The following ALOX5 variants were observed in gnomAD, a reference collection of about 807,000 sequenced individuals.
The protein encoded by ALOX5 is polyunsaturated fatty acid 5-lipoxygenase.
ALOX5 carries 64 observed loss-of-function variants against 87.9 expected under a neutral mutation model. That is an observed-to-expected ratio of 0.73 (90% CI 0.60 to 0.90). ALOX5 has a LOEUF of 0.90. Among genes scored for constraint, ALOX5 ranks in the 40% least tolerant of loss-of-function variants. ALOX5 has a pLI of 0.00. For missense variants in ALOX5, 822 were observed against 907.5 expected, an observed-to-expected ratio of 0.91 and a Z score of 1.21; for synonymous variants, 388 against 355.1, an observed-to-expected ratio of 1.09 and a Z score of -1.04.
At chr10:45,381,111 C>T (rs367929973) in intron 1 of ALOX5, among the ~76,000 whole-genome samples, 2 of 152,226 alleles carry the variant, frequency 1.3e-5, no homozygotes, top group Admixed American at 6.5e-5. Context: ...GCCTCAGAGC[C>T]GCCTGTGTCC....
intron 1 of ALOX5, among the ~76,000 whole-genome samples, chr10:45,378,141 T>A (rs539630322): frequency 6.6e-6 from 1 of 152,240 alleles, no homozygotes; most frequent in African/African-American, 2.4e-5. Flanking sequence ...ATCTGCCCTC[T>A]GAAATCTGAT....
At chr10:45,405,300 G>T (rs1308392244) in intron 3 of ALOX5, among the ~76,000 whole-genome samples, 2 of 152,196 alleles carry the variant, frequency 1.3e-5, no homozygotes, top group Non-Finnish European at 2.9e-5. Flanking sequence ...AGCTGTGTAT[G>T]AAAAGATACT....
intron 2 of ALOX5, among the ~76,000 whole-genome samples, chr10:45,383,401 A>G (rs1313249485): frequency 1.3e-5 from 2 of 152,254 alleles, no homozygotes; most frequent in Admixed American, 6.5e-5. Flanking sequence ...ACCACCTTGC[A>G]TACCCAGCCT....
chr10:45,431,534 G>A, intron 7 of ALOX5, among the ~76,000 whole-genome samples: 2 of 151,038 alleles, frequency 1.3e-5, no homozygotes, highest in East Asian at 3.9e-4. Context: ...GCCCATATAA[G>A]GAAAAACTAT....
chr10:45,380,501 C>A (rs1468661891), intron 1 of ALOX5, among the ~76,000 whole-genome samples: 2 of 152,206 alleles, frequency 1.3e-5, no homozygotes, highest in East Asian at 3.9e-4. Flanking sequence ...GTCCTCCTGG[C>A]AGCTTGGAGG....
intron 7 of ALOX5, among the ~76,000 whole-genome samples, chr10:45,433,463 C>G (rs7099874): frequency 0.75 from 114,785 of 152,158 alleles, 43,836 homozygotes; most frequent in African/African-American, 0.86. Context: ...ATATAATCTA[C>G]GAGAACACAA....
At chr10:45,382,358 A>G (rs1210402133) in intron 1 of ALOX5, 125 bp from the exon 2 acceptor site, 1 of 955,006 alleles carries the variant, frequency 1.0e-6, no homozygotes, top group Non-Finnish European at 1.6e-6. Context: ...TGTTTTTTTA[A>G]GTGCTTTTCA....
intron 2 of ALOX5, among the ~76,000 whole-genome samples, chr10:45,385,240 C>A (rs1839971009): frequency 6.6e-6 from 1 of 152,198 alleles, no homozygotes; most frequent in South Asian, 2.1e-4. Context: ...TTCAATTACT[C>A]ACCATATGAT....
chr10:45,389,280 T>C (rs1301447020), intron 2 of ALOX5, among the ~76,000 whole-genome samples: 1 of 152,202 alleles, frequency 6.6e-6, no homozygotes, highest in South Asian at 2.1e-4. Flanking sequence ...CAGGATATTA[T>C]GCAGGAGAAC....
intron 4 of ALOX5, among the ~76,000 whole-genome samples, chr10:45,419,109 T>C (rs937929216): frequency 1.3e-5 from 2 of 152,172 alleles, no homozygotes; most frequent in African/African-American, 4.8e-5. Context: ...TGCCGCAGTG[T>C]ACGTAGAGGC....
chr10:45,388,715 A>C (rs1220501506), intron 2 of ALOX5, among the ~76,000 whole-genome samples: 1 of 152,232 alleles, frequency 6.6e-6, no homozygotes, highest in African/African-American at 2.4e-5. Flanking sequence ...TCAAAGACCA[A>C]AGGTAAATAA....
intron 6 of ALOX5, among the ~76,000 whole-genome samples, chr10:45,427,105 C>T (rs1465906304): frequency 6.6e-6 from 1 of 152,178 alleles, no homozygotes; most frequent in Non-Finnish European, 1.5e-5. Context: ...GCCCGCCCCT[C>T]GTTTTCCAGA....
At chr10:45,405,349 G>C (rs1840839100) in intron 3 of ALOX5, among the ~76,000 whole-genome samples, 1 of 152,216 alleles carries the variant, frequency 6.6e-6, no homozygotes, top group African/African-American at 2.4e-5. Context: ...CGATGACCTT[G>C]TTTGACAGTC....
In ALOX5 at chr10:45,396,572, A is replaced by G. The variant is rs78702074; in HGVS notation, c.431+636A>G. ...ATCTGAATAAAACAATCACAACCAA[A>G]GAGATTGAATTACTAATTCTAAAAT... On this transcript the variant is annotated intron_variant, in intron 3 of 13. Transcript: ENST00000374391. Among the ~76,000 whole-genome samples, 1,221 of 152,358 alleles carry G rather than the reference A, an allele frequency of 8.0e-3. 23 individuals carry two copies. Among genetic ancestry groups the G allele is most frequent in the East Asian group, 0.069 (359 of 5,190 alleles).
At chr10:45,388,614 C>T (rs1840084968) in intron 2 of ALOX5, among the ~76,000 whole-genome samples, 1 of 152,244 alleles carries the variant, frequency 6.6e-6, no homozygotes, top group Admixed American at 6.5e-5. Context: ...CATCAACAAA[C>T]CTGCAGCTGA....
chr10:45,444,146 C>T lies in ALOX5; in HGVS notation c.1705C>T (p.Pro569Ser), dbSNP rs1208783671. The change falls in exon 13 of 14, where the codon CCC becomes TCC. Residue 569 changes from proline (P) to serine (S), a missense_variant. Pro to Ser is a moderately conservative substitution (Grantham distance 74). Transcript: ENST00000374391. ...YDWCSWIPNA[P>S]PTMRAPPPTA... ...CTGGTGCTCCTGGATCCCCAATGCG[C>T]CCCCAACCATGCGAGCCCCGCCACC... is the stretch of plus-strand genomic sequence containing the variant. 1 of 1,552,354 alleles carries T rather than the reference C, an allele frequency of 6.4e-7. No homozygotes were observed. Among genetic ancestry groups the T allele is most frequent in the Non-Finnish European group, 8.7e-7 (1 of 1,147,822 alleles).
In ALOX5 at chr10:45,374,327, C is replaced by G. The variant is rs763058133; in HGVS notation, c.48C>G (p.Ala16=). The G allele has an allele frequency of 3.3e-6, 5 of 1,526,106 alleles. No homozygotes were observed. In the South Asian group the frequency reaches 3.7e-5, roughly 11 times the overall value. The allele number at this position is 1,526,106 out of a possible 1,614,324, so 94.5% of individuals were successfully genotyped here. ...VTVATGSQWF[A]GTDDYIYLSL... ...TGGCCACTGGCAGCCAGTGGTTCGC[C>G]GGCACTGACGACTACATCTACCTCA... Residue 16 remains alanine, a synonymous_variant, in exon 1 of 14, where the codon GCC becomes GCG. Transcript: ENST00000374391.
At chr10:45,410,490 G>A (rs912376995) in intron 3 of ALOX5, among the ~76,000 whole-genome samples, 2 of 152,198 alleles carry the variant, frequency 1.3e-5, no homozygotes, top group Non-Finnish European at 2.9e-5. Flanking sequence ...TGCCTTTGCT[G>A]TCAGAAGGAT....
intron 6 of ALOX5, among the ~76,000 whole-genome samples, chr10:45,427,475 G>A (rs1339413474): frequency 6.6e-6 from 1 of 152,242 alleles, no homozygotes; most frequent in African/African-American, 2.4e-5. Flanking sequence ...ACATAAAGGA[G>A]GAGGGCGGTG....
Sources: allele counts gnomAD v4.1 joint callset (sites outside exome capture counted in the v4.1 genomes callset), GRCh38; gene constraint gnomAD v4.1.1; transcripts MANE v1.5; gene names NCBI Gene and HGNC (gene_info 2026-07-23, HGNC 2026-07-21).